Variants in PTPRD observed in about 807,000 individuals in gnomAD.
The protein encoded by PTPRD is protein tyrosine phosphatase receptor type D, also known as receptor-type tyrosine-protein phosphatase delta.
Under a neutral mutation model 214.5 loss-of-function variants are expected in PTPRD, and 34 were observed. The ratio of observed to expected loss-of-function variants is 0.16; its 90% confidence interval spans 0.12 to 0.21. The LOEUF (loss-of-function observed/expected upper bound fraction) is 0.21, where lower values mean the gene tolerates loss of function less well. Among genes scored for constraint, PTPRD ranks in the 10% least tolerant of loss-of-function variants. PTPRD has a pLI of 1.00. For missense variants in PTPRD, 2,545 were observed against 2,398.7 expected, an observed-to-expected ratio of 1.06 and a Z score of -1.27; for synonymous variants, 1,128 against 845.7, an observed-to-expected ratio of 1.33 and a Z score of -5.79.
intron 21 of PTPRD, among the ~76,000 whole-genome samples, chr9:8,508,719 C>G (rs1263329788): frequency 6.6e-6 from 1 of 151,902 alleles, no homozygotes; most frequent in East Asian, 1.9e-4. Context: ...TCAAAAGAAG[C>G]CTTTGGAGAA....
At chr9:8,749,606 C>T (rs2093309594) in intron 11 of PTPRD, among the ~76,000 whole-genome samples, 1 of 152,214 alleles carries the variant, frequency 6.6e-6, no homozygotes, top group Non-Finnish European at 1.5e-5. Context: ...TATTATAACA[C>T]ATAGAGAAGA....
chr9:9,215,075 C>A (rs1277886302), intron 9 of PTPRD, among the ~76,000 whole-genome samples: 1 of 152,134 alleles, frequency 6.6e-6, no homozygotes, highest in South Asian at 2.1e-4. Flanking sequence ...ACAATAGTTC[C>A]AGTGCAGGAT....
intron 8 of PTPRD, among the ~76,000 whole-genome samples, chr9:9,517,363 G>T (rs569365675): frequency 1.3e-5 from 2 of 152,198 alleles, no homozygotes; most frequent in East Asian, 1.9e-4. Context: ...GATAGACTTT[G>T]TTTCTGTAAA....
intron 14 of PTPRD, among the ~76,000 whole-genome samples, chr9:8,565,768 G>C (rs2088775521): frequency 6.6e-6 from 1 of 152,180 alleles, no homozygotes; most frequent in Admixed American, 6.5e-5. Flanking sequence ...GTTCTGCATA[G>C]TTTATGAGAC....
At position 9,042,614 on chromosome 9, in the gene PTPRD, C is replaced by CTTTTTTTTTTTTTTTT. The variant is rs775574124; in HGVS notation, c.-142-23880_-142-23879insAAAAAAAAAAAAAAAA. Reference sequence around the variant, plus strand: ...CCACTTAGCATTTTTTCTTTTTTTTCTTTTCTTTTTTTTTTTTTTTGGTCT... The same window carrying CTTTTTTTTTTTTTTTT: ...CCACTTAGCATTTTTTCTTTTTTTTCTTTTTTTTTTTTTTTTTTTTCTTTTTTTTTTTTTTTGGTCT... On this transcript the variant is annotated intron_variant, in intron 10 of 45. Coordinates refer to ENST00000381196, the MANE Select transcript of PTPRD (RefSeq NM_002839.4). 1.5e-4 allele frequency among the ~76,000 whole-genome samples: 17 copies of CTTTTTTTTTTTTTTTT among 112,456 alleles called. 2 individuals are homozygous for CTTTTTTTTTTTTTTTT. Among genetic ancestry groups the CTTTTTTTTTTTTTTTT allele is most frequent in the East Asian group, 5.1e-4 (2 of 3,900 alleles). 73.8% of individuals were successfully genotyped at this position (112,456 alleles called of 152,430 possible). A position where few individuals can be genotyped will look rare whatever the true frequency, so the allele number is the denominator to read the frequency against.
At chr9:9,983,711 G>A (rs1436193655) in intron 4 of PTPRD, among the ~76,000 whole-genome samples, 8 of 152,136 alleles carry the variant, frequency 5.3e-5, no homozygotes, top group South Asian at 2.1e-4. Context: ...ACATACTTAC[G>A]TGATTTCACA....
At chr9:9,510,751 C>T (rs756465650) in intron 8 of PTPRD, among the ~76,000 whole-genome samples, 11 of 151,360 alleles carry the variant, frequency 7.3e-5, no homozygotes, top group Admixed American at 2.6e-4. Flanking sequence ...AATCATGCAT[C>T]CTTGATTTAC....
intron 12 of PTPRD, among the ~76,000 whole-genome samples, chr9:8,714,892 T>C (rs970032843): frequency 2.0e-5 from 3 of 152,322 alleles, no homozygotes; most frequent in Middle Eastern, 3.4e-3. Flanking sequence ...ATTGTATTTA[T>C]TGTTCAATTT....
chr9:9,305,730 G>C (rs569551213), intron 9 of PTPRD, among the ~76,000 whole-genome samples: 1 of 152,220 alleles, frequency 6.6e-6, no homozygotes, highest in East Asian at 1.9e-4. Flanking sequence ...ATAAATGAGA[G>C]AGAGAAAGAT....
intron 4 of PTPRD, among the ~76,000 whole-genome samples, chr9:9,980,458 A>T (rs2154064680): frequency 6.6e-6 from 1 of 151,680 alleles, no homozygotes; most frequent in East Asian, 1.9e-4. Flanking sequence ...AAATACAAAA[A>T]TTAGCCGGGC....
At chr9:9,346,891 C>G (rs1440479953) in intron 9 of PTPRD, among the ~76,000 whole-genome samples, 1 of 152,006 alleles carries the variant, frequency 6.6e-6, no homozygotes, top group African/African-American at 2.4e-5. Context: ...TAGGGTTTCA[C>G]CATGTTGGCC....
At chr9:10,589,957 A>G (rs1345658923) in intron 2 of PTPRD, among the ~76,000 whole-genome samples, 2 of 152,110 alleles carry the variant, frequency 1.3e-5, no homozygotes, top group African/African-American at 4.8e-5. Context: ...ATATGACTCC[A>G]TTTGTAGCCA....
chr9:9,805,273 T>G (rs2099065813), intron 5 of PTPRD, among the ~76,000 whole-genome samples: 1 of 152,132 alleles, frequency 6.6e-6, no homozygotes, highest in East Asian at 1.9e-4. Context: ...GTGCTTTGCC[T>G]AGTGCCCTTT....
intron 8 of PTPRD, among the ~76,000 whole-genome samples, chr9:9,425,313 A>G (rs1294109387): frequency 1.3e-5 from 2 of 151,024 alleles, no homozygotes; most frequent in Non-Finnish European, 2.9e-5. Flanking sequence ...TAAACCTAAC[A>G]AACTTTGATG....
At chr9:9,189,171 T>C (rs1431306092) in intron 9 of PTPRD, among the ~76,000 whole-genome samples, 1 of 152,066 alleles carries the variant, frequency 6.6e-6, no homozygotes, top group East Asian at 1.9e-4. Flanking sequence ...CTTTATAAGG[T>C]AATTATTTTA....
At chr9:8,350,560 C>A (rs551380034) in intron 39 of PTPRD, among the ~76,000 whole-genome samples, 2 of 152,198 alleles carry the variant, frequency 1.3e-5, no homozygotes, top group East Asian at 3.9e-4. Context: ...TCTGATGAGG[C>A]TGCCATTGTG....
At chr9:8,430,742 G>A (rs942176) in intron 35 of PTPRD, among the ~76,000 whole-genome samples, 61,359 of 151,858 alleles carry the variant, frequency 0.4, 12,862 homozygotes, top group East Asian at 0.62. Flanking sequence ...CTACCAGAAC[G>A]TTCATTTCTC....
At chr9:9,117,395 G>C (rs999509982) in intron 10 of PTPRD, among the ~76,000 whole-genome samples, 1 of 152,006 alleles carries the variant, frequency 6.6e-6, no homozygotes, top group Admixed American at 6.6e-5. Flanking sequence ...AACACTTGTT[G>C]TACTTAAGCA....
At chr9:9,195,186 C>T (rs998154600) in intron 9 of PTPRD, among the ~76,000 whole-genome samples, 2 of 150,978 alleles carry the variant, frequency 1.3e-5, no homozygotes, top group Non-Finnish European at 2.9e-5. Flanking sequence ...ATGGTGTTAG[C>T]CCTCAAAGCT....
Sources: gnomAD v4.1 joint callset for allele counts (sites outside exome capture counted in the v4.1 genomes callset) on GRCh38, gnomAD v4.1.1 for gene constraint, MANE v1.5 for transcripts, NCBI Gene and HGNC (gene_info 2026-07-23, HGNC 2026-07-21) for gene names.